The following GJA5 variants were observed in gnomAD, a reference collection of about 807,000 sequenced individuals.
GJA5 encodes gap junction alpha-5 protein.
A neutral mutation model predicts 7.9 loss-of-function variants in GJA5; 3 were observed. The ratio of observed to expected loss-of-function variants is 0.38; its 90% CI spans 0.17 to 0.99. The LOEUF is 0.99. Ranked by LOEUF, GJA5 falls within the 50% of genes least tolerant of loss-of-function variation. The pLI is 0.38. For synonymous variants in GJA5, 193 were observed against 181.0 expected, an observed-to-expected ratio of 1.07 and a Z score of -0.53; for missense variants, 390 against 457.9, an observed-to-expected ratio of 0.85 and a Z score of 1.35.
chr1:147,770,952 C>G (rs1447380199), intron 1 of GJA5, among the ~76,000 whole-genome samples: 1 of 152,200 alleles, frequency 6.6e-6, no homozygotes, highest in Non-Finnish European at 1.5e-5. Context: ...TTGTCCAGCT[C>G]AACCCTTGAG....
Position 147,758,835 on chromosome 1 carries a change from C to T in GJA5, c.404G>A (p.Cys135Tyr). ...YPVAEKAELS[C>Y]WEEGNGRIAL... Reference sequence around the variant, plus strand: ...AATCCTTCCATTCCCTTCCTCCCAGCAGGACAGTTCTGCCTTCTCTGCCAC... The same window carrying T: ...AATCCTTCCATTCCCTTCCTCCCAGTAGGACAGTTCTGCCTTCTCTGCCAC... Residue 135 changes from cysteine (C) to tyrosine (Y), a missense_variant, in exon 2 of 2, where the codon TGC becomes TAC. Cys to Tyr is a radical substitution (Grantham distance 194). This residue lies in a region of GJA5 where 354 missense variants were observed against 370.9 expected (regional missense o/e 0.95). Coordinates refer to ENST00000579774, the MANE Select transcript of GJA5 (RefSeq NM_181703.4). 2 of 1,614,234 alleles carry T rather than the reference C, an allele frequency of 1.2e-6. No individual in the cohort carries two copies. The highest frequency in any genetic ancestry group is 2.2e-5 in the South Asian group (2 of 91,092).
intron 1 of GJA5, among the ~76,000 whole-genome samples, chr1:147,766,941 A>G (rs1214750082): frequency 6.6e-6 from 1 of 152,198 alleles, no homozygotes; most frequent in Non-Finnish European, 1.5e-5. Flanking sequence ...GAGAAATAGT[A>G]TCATATCAGT....
chr1:147,770,219 G>T, intron 1 of GJA5, among the ~76,000 whole-genome samples: 1 of 152,148 alleles, frequency 6.6e-6, no homozygotes, highest in Non-Finnish European at 1.5e-5. Flanking sequence ...GGTTCCAGCT[G>T]TTTCTTTGTG....
chr1:147,769,504 A>C (rs1664322701), intron 1 of GJA5, among the ~76,000 whole-genome samples: 1 of 152,190 alleles, frequency 6.6e-6, no homozygotes, highest in East Asian at 1.9e-4. Flanking sequence ...AGTCACCTAG[A>C]ACAGTATCTG....
chr1:147,767,563 A>ATTT (rs1344913830), intron 1 of GJA5, among the ~76,000 whole-genome samples: 1 of 144,780 alleles, frequency 6.9e-6, no homozygotes, highest in Non-Finnish European at 1.5e-5. Context: ...AATTTTTGTT[A>ATTT]TTTTTTTTTT....
chr1:147,772,278 T>C (rs1347777152), intron 1 of GJA5, among the ~76,000 whole-genome samples: 2 of 152,168 alleles, frequency 1.3e-5, no homozygotes, highest in African/African-American at 4.8e-5. Context: ...AATGGAATAC[T>C]GCGAGGGAGA....
chr1:147,757,782 T>C lies in GJA5; in HGVS notation c.*380A>G, dbSNP rs935182701. The C allele has an allele frequency of 3.5e-6, 1 of 284,160 alleles. No individual in the cohort carries two copies. Among genetic ancestry groups the C allele is most frequent in the African/African-American group, 2.2e-5 (1 of 46,098 alleles). The allele number at this position is 284,160 out of a possible 1,614,324, so 17.6% of individuals were successfully genotyped here. ...AGGGAGGGTGATCAGGTCAAGGAGG[T>C]AGGAACTTAGAGAACGCATTTGGTA... is the stretch of plus-strand genomic sequence containing the variant. On this transcript the variant is annotated 3_prime_UTR_variant, in exon 2 of 2. Transcript: ENST00000579774.
At chr1:147,772,301 CTG>C (rs1309528348) in intron 1 of GJA5, among the ~76,000 whole-genome samples, 18 of 152,174 alleles carry the variant, frequency 1.2e-4, no homozygotes, top group African/African-American at 3.6e-4. Context: ...AAGGAAAAAA[CTG>C]AGCAACAGAG....
intron 1 of GJA5, among the ~76,000 whole-genome samples, chr1:147,773,015 G>A (rs908542017): frequency 2.6e-5 from 4 of 152,074 alleles, no homozygotes; most frequent in Non-Finnish European, 4.4e-5. Context: ...CCCTCCACTC[G>A]CAATTCTTCA....
chr1:147,757,468 A>G lies in GJA5; in HGVS notation c.*694T>C, dbSNP rs1431571920. 2.5e-5 allele frequency: 4 copies of G among 156,864 alleles called. No homozygotes were observed. The highest frequency in any genetic ancestry group is 6.0e-5 in the Admixed American group (1 of 16,560). The allele number at this position is 156,864 out of a possible 1,614,324, so 9.7% of individuals were successfully genotyped here. On this transcript the variant is annotated 3_prime_UTR_variant, in exon 2 of 2. Coordinates refer to ENST00000579774, the MANE Select transcript of GJA5 (RefSeq NM_181703.4). ...ACAGGCTAGGTGTACACCCTAGCAG[A>G]AGGAAAGGTTGCAACATCACCAAGG...
chr1:147,762,606 G>A (rs1474133581), upstream of GJA5, among the ~76,000 whole-genome samples: 1 of 152,188 alleles, frequency 6.6e-6, no homozygotes, highest in Non-Finnish European at 1.5e-5. Flanking sequence ...ATAGGGGTGA[G>A]GCAGACCTCC....
intron 1 of GJA5, among the ~76,000 whole-genome samples, chr1:147,772,447 A>G (rs1238403115): frequency 6.6e-6 from 1 of 152,168 alleles, no homozygotes; most frequent in Admixed American, 6.5e-5. Flanking sequence ...CAAATTCCCC[A>G]TTTTATAGAT....
chr1:147,759,328 G>A (rs1553227134), intron 1 of GJA5, 57 bp from the exon 2 acceptor site: 1 of 920,618 alleles, frequency 1.1e-6, no homozygotes, highest in Non-Finnish European at 1.8e-6. Context: ...GTGAAGGTCT[G>A]GAATGTCTAT....
Position 147,758,893 on chromosome 1 carries a change from C to T in GJA5, c.346G>A (p.Glu116Lys). 1 of 1,614,256 alleles carries T rather than the reference C, an allele frequency of 6.2e-7. No individual in the cohort carries two copies. Among genetic ancestry groups the T allele is most frequent in the Non-Finnish European group, 8.5e-7 (1 of 1,180,050 alleles). The stretch of plus-strand genomic sequence containing the variant: ...TCGTAAGAGCCAGAGCCCCGGACCT[C>T]TTTGGCCCTCTCGGCCTCCCGTAGC... ...RKLREAERAK[E>K]VRGSGSYEYP... The change falls in exon 2 of 2, where the codon GAG (glutamate) becomes AAG (lysine). Residue 116 changes from glutamate to lysine, a missense_variant. Glu to Lys is a moderately conservative substitution (Grantham distance 56, BLOSUM62 1). Transcript: ENST00000579774.
rs587625601 is a variant in GJA5 at position 147,758,779 on chromosome 1, C to G, written c.460G>C (p.Val154Leu). 6.2e-7 allele frequency: 1 copy of G among 1,614,156 alleles called. No homozygotes were observed. The highest frequency in any genetic ancestry group is 1.7e-5 in the Admixed American group (1 of 60,030). ...ALQGTLLNTY[V>L]CSILIRTTME... ...GTGGTGCGGATCAGGATGCTGCACA[C>G]ATAGGTGTTGAGCAGAGTGCCCTGG... Residue 154 changes from valine (V) to leucine (L), a missense_variant, in exon 2 of 2, where the codon GTG (valine) becomes CTG (leucine). By Grantham distance (32) the Val-to-Leu change is conservative. This residue lies in a region of GJA5 where 354 missense variants were observed against 370.9 expected (regional missense o/e 0.95). Coordinates refer to ENST00000579774, the MANE Select transcript of GJA5 (RefSeq NM_181703.4).
At chr1:147,759,418 A>G (rs951465613) in intron 1 of GJA5, 147 bp from the exon 2 acceptor site, 4 of 601,320 alleles carry the variant, frequency 6.7e-6, no homozygotes, top group Non-Finnish European at 1.2e-5. Context: ...GCAACCAACG[A>G]AAAGCTCGCT....
chr1:147,770,233 C>G (rs972565295), intron 1 of GJA5, among the ~76,000 whole-genome samples: 2 of 152,082 alleles, frequency 1.3e-5, no homozygotes, highest in African/African-American at 4.8e-5. Flanking sequence ...CTTTGTGATC[C>G]TAGACAAGAT....
rs782770843 is a variant in GJA5 at position 147,758,840 on chromosome 1, C to A, written c.399G>T (p.Leu133=). ...YEYPVAEKAE[L]SCWEEGNGRI... ...TTCCATTCCCTTCCTCCCAGCAGGA[C>A]AGTTCTGCCTTCTCTGCCACCGGGT... The change falls in exon 2 of 2, where the codon CTG becomes CTT. Residue 133 remains leucine, a synonymous_variant. Coordinates refer to ENST00000579774, the MANE Select transcript of GJA5 (RefSeq NM_181703.4). 5 of 1,614,120 alleles carry A rather than the reference C, an allele frequency of 3.1e-6. No individual in the cohort carries two copies. The African/African-American group carries it at 6.7e-5, about 22-fold the overall frequency.
upstream of GJA5, among the ~76,000 whole-genome samples, chr1:147,763,584 C>T (rs77689426): frequency 2.3e-4 from 35 of 152,286 alleles, 1 homozygote; most frequent in East Asian, 6.6e-3. Context: ...ACTCCCAAAC[C>T]TTCAACATCC....
Sources: allele counts gnomAD v4.1 joint callset (sites outside exome capture counted in the v4.1 genomes callset), GRCh38; gene constraint gnomAD v4.1.1; regional missense constraint gnomAD v4.1.1; transcripts MANE v1.5; gene names NCBI Gene and HGNC (gene_info 2026-07-23, HGNC 2026-07-21).